The following FARP2 variants were observed in gnomAD, a reference collection of about 807,000 sequenced individuals.
FARP2 encodes the protein FERM, ARH/RhoGEF and pleckstrin domain protein 2.
Under a neutral mutation model 130.5 loss-of-function variants are expected in FARP2, and 111 were observed. The observed-to-expected ratio is 0.85, with a 90% CI of 0.73 to 1.00. The LOEUF (loss-of-function observed/expected upper bound fraction) is 1.00. Among genes scored for constraint, FARP2 ranks in the 50% least tolerant of loss-of-function variants. The probability of loss-of-function intolerance (pLI) is 0.00; values close to 1 mark genes in which losing one functional copy is unlikely to be tolerated. For missense variants in FARP2, 1,385 were observed against 1,346.3 expected, an observed-to-expected ratio of 1.03 and a Z score of -0.45; for synonymous variants, 504 against 516.9, an observed-to-expected ratio of 0.98 and a Z score of 0.34.
chr2:241,359,557 C>T (rs188638819), intron 1 of FARP2, among the ~76,000 whole-genome samples: 1 of 152,328 alleles, frequency 6.6e-6, no homozygotes, highest in East Asian at 1.9e-4. Flanking sequence ...TAGTCCTCTG[C>T]CTGTGCACAC....
chr2:241,372,133 C>A (rs2061437689), intron 1 of FARP2, among the ~76,000 whole-genome samples: 2 of 151,996 alleles, frequency 1.3e-5, no homozygotes, highest in South Asian at 4.1e-4. Context: ...GAGACCTTTC[C>A]CTTGGCACAA....
intron 2 of FARP2, among the ~76,000 whole-genome samples, chr2:241,391,953 C>T (rs928184582): frequency 1.3e-5 from 2 of 152,036 alleles, no homozygotes; most frequent in African/African-American, 2.4e-5. Flanking sequence ...ACTACTAAGA[C>T]GGGAGGGAGA....
intron 17 of FARP2, among the ~76,000 whole-genome samples, chr2:241,464,411 C>T (rs868561343): frequency 3.3e-5 from 5 of 150,992 alleles, no homozygotes; most frequent in Non-Finnish European, 5.9e-5. Flanking sequence ...TGCAGGGTAC[C>T]CTCAGAACAG....
At chr2:241,490,613 GGTCACCAGCACCA>G (rs1268539599) in intron 22 of FARP2, among the ~76,000 whole-genome samples, 1 of 152,150 alleles carries the variant, frequency 6.6e-6, no homozygotes. Flanking sequence ...GCCCCTGCAT[GGTCACCAGCACCA>G]CACTGTGCTC....
intron 13 of FARP2, among the ~76,000 whole-genome samples, chr2:241,450,795 C>A (rs1473971764): frequency 6.6e-6 from 1 of 152,046 alleles, no homozygotes; most frequent in African/African-American, 2.4e-5. Context: ...ACTAAAAATA[C>A]AAAACAATTA....
At chr2:241,387,128 G>C (rs778537408) in intron 2 of FARP2, 1 of 152,178 alleles carries the variant, frequency 6.6e-6, no homozygotes, top group Admixed American at 6.5e-5. Context: ...CCTTGTCTGC[G>C]TTGTTTTATT....
At chr2:241,461,070 G>A (rs1168667751) in intron 14 of FARP2, among the ~76,000 whole-genome samples, 1 of 152,186 alleles carries the variant, frequency 6.6e-6, no homozygotes, top group East Asian at 1.9e-4. Context: ...GTACAAGGAA[G>A]AAGACATGGC....
At position 241,477,104 on chromosome 2, in the gene FARP2, T is replaced by G. The variant is rs187697511; in HGVS notation, c.2262+1117T>G. 2.0e-5 allele frequency among the ~76,000 whole-genome samples: 3 copies of G among 150,924 alleles called. No homozygotes were observed. The Admixed American group carries it at 2.0e-4, about 10-fold the overall frequency. ...TCTTCTTTCACTCAGAATAATCTTTTCAAGGTTCATTCATGTTCCTTTTTT... is the reference window on the plus strand; with the variant it reads ...TCTTCTTTCACTCAGAATAATCTTTGCAAGGTTCATTCATGTTCCTTTTTT... On this transcript the variant is annotated intron_variant, in intron 19 of 26. Coordinates refer to ENST00000264042, the MANE Select transcript of FARP2 (RefSeq NM_014808.4).
At chr2:241,449,021 A>G (rs2063580103) in intron 13 of FARP2, among the ~76,000 whole-genome samples, 1 of 152,216 alleles carries the variant, frequency 6.6e-6, no homozygotes, top group African/African-American at 2.4e-5. Flanking sequence ...TCCCGCTTGT[A>G]TTCTTTGAGC....
intron 13 of FARP2, among the ~76,000 whole-genome samples, chr2:241,449,790 A>G (rs2063602437): frequency 2.6e-5 from 4 of 152,128 alleles, no homozygotes; most frequent in Admixed American, 1.3e-4. Context: ...CAAGGTCAGG[A>G]GTTCGAGACT....
At chr2:241,419,109 G>A (rs1292331654) in intron 8 of FARP2, among the ~76,000 whole-genome samples, 1 of 152,092 alleles carries the variant, frequency 6.6e-6, no homozygotes, top group Non-Finnish European at 1.5e-5. Context: ...CCCTCATCAA[G>A]CCATGTTTAT....
intron 7 of FARP2, among the ~76,000 whole-genome samples, chr2:241,415,834 G>T (rs1296771791): frequency 6.6e-6 from 1 of 152,188 alleles, no homozygotes; most frequent in Admixed American, 6.5e-5. Flanking sequence ...CAGTGTGGCA[G>T]TGTATCGCCT....
At chr2:241,423,696 G>A (rs181947835) in intron 8 of FARP2, among the ~76,000 whole-genome samples, 2 of 152,290 alleles carry the variant, frequency 1.3e-5, no homozygotes, top group African/African-American at 2.4e-5. Flanking sequence ...AGACCTATGG[G>A]TATGCTGTCT....
At chr2:241,376,162 T>C (rs1387698500) in intron 2 of FARP2, among the ~76,000 whole-genome samples, 4 of 152,184 alleles carry the variant, frequency 2.6e-5, no homozygotes, top group African/African-American at 9.7e-5. Flanking sequence ...TGGAACCTCA[T>C]GTGCAGAATC....
At chr2:241,385,640 A>G (rs1389936431) in intron 2 of FARP2, among the ~76,000 whole-genome samples, 1 of 152,134 alleles carries the variant, frequency 6.6e-6, no homozygotes, top group African/African-American at 2.4e-5. Flanking sequence ...GGATCACCTG[A>G]GCCCTAGTGG....
intron 2 of FARP2, among the ~76,000 whole-genome samples, chr2:241,392,937 C>T (rs1277266848): frequency 6.7e-6 from 1 of 148,488 alleles, no homozygotes; most frequent in Non-Finnish European, 1.5e-5. Context: ...AGCGAGACTC[C>T]ATCTCAAAAA....
chr2:241,484,091 A>G (rs2124888366), intron 20 of FARP2, 151 bp from the exon 21 acceptor site: 1 of 1,431,644 alleles, frequency 7.0e-7, no homozygotes, highest in East Asian at 2.6e-5. Context: ...AAACGACCAA[A>G]TGAATGAATA....
chr2:241,414,794 C>T (rs779692671), intron 7 of FARP2, among the ~76,000 whole-genome samples: 2 of 152,100 alleles, frequency 1.3e-5, no homozygotes, highest in Admixed American at 6.5e-5. Context: ...GAAAGAAGGC[C>T]GAGGGCAGGC....
chr2:241,436,942 T>C (rs2063245098), intron 12 of FARP2, among the ~76,000 whole-genome samples: 1 of 152,096 alleles, frequency 6.6e-6, no homozygotes, highest in Non-Finnish European at 1.5e-5. Flanking sequence ...GCCAAGATAG[T>C]GGCACTACAC....
Sources: gnomAD v4.1 joint callset for allele counts (sites outside exome capture counted in the v4.1 genomes callset) on GRCh38, gnomAD v4.1.1 for gene constraint, MANE v1.5 for transcripts, NCBI Gene and HGNC (gene_info 2026-07-23, HGNC 2026-07-21) for gene names.